RGS3: variants seen among roughly 807,000 people sequenced by gnomAD.
RGS3 encodes the protein regulator of G protein signaling 3, also known as regulator of G-protein signalling 3.
Under a neutral mutation model 132.6 loss-of-function variants are expected in RGS3, and 80 were observed. The ratio of observed to expected loss-of-function variants is 0.60; its 90% CI spans 0.50 to 0.73. RGS3 has a LOEUF of 0.73. Ranked by LOEUF, RGS3 falls within the 30% of genes least tolerant of loss-of-function variation. The probability of loss-of-function intolerance (pLI) is 0.00; values close to 1 mark genes in which losing one functional copy is unlikely to be tolerated. For synonymous variants in RGS3, 598 were observed against 620.6 expected (o/e 0.96, Z 0.54); for missense variants, 1,382 against 1,530.8 (o/e 0.90, Z 1.62).
chr9:113,536,579 G>T lies in RGS3; in HGVS notation c.1915-217G>T. ...CCTTCCTCCCCTCCCCCAACCTGTGGGCCCACAGCTCGCCAGCTGGCCCTT... is the reference window on the plus strand; with the variant it reads ...CCTTCCTCCCCTCCCCCAACCTGTGTGCCCACAGCTCGCCAGCTGGCCCTT... On this transcript the variant is annotated intron_variant, in intron 18 of 24. Transcript: ENST00000350696. 5 of 1,369,200 alleles carry T rather than the reference G, an allele frequency of 3.7e-6. No homozygotes were observed. The South Asian group carries it at 5.9e-5, about 16-fold the overall frequency. 84.8% of individuals were successfully genotyped at this position (1,369,200 alleles called of 1,614,324 possible). A position where few individuals can be genotyped will look rare whatever the true frequency, so the allele number is the denominator to read the frequency against.
chr9:113,591,213 G>A lies in RGS3; in HGVS notation c.3016-120G>A. On this transcript the variant is annotated intron_variant, in intron 20 of 24. Coordinates refer to ENST00000350696, the Ensembl canonical transcript of RGS3. This position sits in a 1 kb window ranked among gnomAD's most constrained non-coding sequence, Gnocchi z 4.4. ...TCCCTCCCTCACCTGTGTGCCGCGG[G>A]TGGGGGCTTTGGGGATGGAAGGGGC... 1 of 840,976 alleles carries A rather than the reference G, an allele frequency of 1.2e-6. No individual in the cohort carries two copies. The highest frequency in any genetic ancestry group is 1.5e-5 in the South Asian group (1 of 64,602). The allele number at this position is 840,976 out of a possible 1,614,324, so 52.1% of individuals were successfully genotyped here.
chr9:113,583,655 C>T (rs1332166140), exon 20 of RGS3: 4 of 1,614,130 alleles, frequency 2.5e-6, no homozygotes, highest in East Asian at 2.2e-5. Context: ...GACTCAGCTA[C>T]CTCTGAAGGA....
rs145400431 is a variant in RGS3, at chr9:113,469,042, ATTTTTTTTTTT to A, written c.415+6853_415+6863del. On this transcript the variant is annotated intron_variant, in intron 3 of 24. Coordinates refer to ENST00000350696, the Ensembl canonical transcript of RGS3. ...TAGGAGTGTCATTGATTTGCTCAGC[ATTTTTTTTTTT>A]TTTTTTTTTTTGCCTCATGTTTGTT... Among the ~76,000 whole-genome samples the A allele has an allele frequency of 4.5e-4, 46 of 102,130 alleles. No individual in the cohort carries two copies. In the South Asian group the frequency reaches 0.014, roughly 30 times the overall value. The allele number at this position is 102,130 out of a possible 152,430, so 67.0% of individuals were successfully genotyped here.
intron 19 of RGS3, among the ~76,000 whole-genome samples, chr9:113,552,059 T>C (rs1833361185): frequency 6.6e-6 from 1 of 152,166 alleles, no homozygotes; most frequent in South Asian, 2.1e-4. Flanking sequence ...TCTTGAAAAA[T>C]ATTATTGCCT....
At chr9:113,473,019 C>T (rs922639149) in intron 3 of RGS3, among the ~76,000 whole-genome samples, 7 of 151,894 alleles carry the variant, frequency 4.6e-5, no homozygotes, top group Non-Finnish European at 1.0e-4. Flanking sequence ...CCAGCCTGGG[C>T]GACAGAGTGA....
At chr9:113,495,746 A>AG in intron 7 of RGS3, 40 bp from the exon 6 acceptor site, 2 of 1,587,144 alleles carry the variant, frequency 1.3e-6, no homozygotes, top group Non-Finnish European at 1.7e-6. Flanking sequence ...GATAGAGCCC[A>AG]GAAAAAAAAT....
intron 1 of RGS3, among the ~76,000 whole-genome samples, chr9:113,453,231 AT>A (rs1829297812): frequency 2.0e-5 from 2 of 100,090 alleles, no homozygotes; most frequent in Admixed American, 1.3e-4. Flanking sequence ...TAATATACTC[AT>A]TATATGATTA....
chr9:113,450,488 G>A (rs2119140431), intron 1 of RGS3, among the ~76,000 whole-genome samples: 1 of 152,310 alleles, frequency 6.6e-6, no homozygotes, highest in South Asian at 2.1e-4. Flanking sequence ...GAAAGATATG[G>A]AAGCAGACAG....
At chr9:113,468,861 A>C (rs1829732920) in intron 3 of RGS3, among the ~76,000 whole-genome samples, 1 of 152,078 alleles carries the variant, frequency 6.6e-6, no homozygotes, top group South Asian at 2.1e-4. Context: ...ATTGGGTGAC[A>C]AAATGCACCT....
At position 113,537,182 on chromosome 9, in the gene RGS3, G is replaced by T. The variant is rs554043433; in HGVS notation, c.2037+264G>T. Among the ~76,000 whole-genome samples the T allele has an allele frequency of 6.6e-6, 1 of 152,208 alleles. No individual in the cohort carries two copies. The highest frequency in any genetic ancestry group is 2.1e-4 in the South Asian group (1 of 4,836). On this transcript the variant is annotated intron_variant, in intron 19 of 24. Transcript: ENST00000350696. The surrounding 1 kb of genome is among the most constrained non-coding windows in gnomAD (Gnocchi z 4.3). The stretch of plus-strand genomic sequence containing the variant: ...CCATCAGTTCTGCACTCTGTTCTTC[G>T]GTTTGCCTATGGCAAGGTTTAATTC...
chr9:113,534,129 T>G (rs957418392), intron 18 of RGS3, among the ~76,000 whole-genome samples: 8 of 152,192 alleles, frequency 5.3e-5, no homozygotes, highest in Non-Finnish European at 1.0e-4. Flanking sequence ...GGATGCAGGG[T>G]AGAAGAAGTC....
intron 21 of RGS3, chr9:113,593,978 C>G (rs748442677): frequency 1.2e-6 from 2 of 1,613,078 alleles, no homozygotes; most frequent in Non-Finnish European, 1.7e-6. Context: ...GGGGCGGCCC[C>G]AGAGGCTGTC....
rs1454410786 is a variant in RGS3 at position 113,512,678 on chromosome 9, G to A, written c.1478-1780G>A. ...CTGTTCCCCCCTCGCTGCCAGGGCT[G>A]CTGGCAGCAGAAGACAGCCTGCACC... On this transcript the variant is annotated intron_variant, in intron 14 of 24. Transcript: ENST00000350696. Among the ~76,000 whole-genome samples, 8 of 152,278 alleles carry A rather than the reference G, an allele frequency of 5.3e-5. No homozygotes were observed. In the East Asian group the frequency reaches 1.4e-3, roughly 26 times the overall value.
chr9:113,511,731 G>A (rs1831414487), intron 14 of RGS3, among the ~76,000 whole-genome samples: 1 of 152,074 alleles, frequency 6.6e-6, no homozygotes, highest in African/African-American at 2.4e-5. Context: ...TCCGAGACTG[G>A]GGGCCCAGGA....
Position 113,479,537 on chromosome 9 carries a change from TCA to T in RGS3, c.465_466del (p.Ile156TyrfsTer4), listed in dbSNP as rs1258803516. On this transcript the variant is annotated frameshift_variant and splice_region_variant, in exon 4 of 25. Transcript: ENST00000350696. LOFTEE classifies it high-confidence loss of function. ...ATGCCCAGGACCGGGTTCTGCTGCT[TCA>T]CAGTGAGTACGGCTTTGTGCAGGCT... 6.2e-7 allele frequency: 1 copy of T among 1,614,126 alleles called. No individual in the cohort carries two copies. The highest frequency in any genetic ancestry group is 8.5e-7 in the Non-Finnish European group (1 of 1,179,988).
chr9:113,566,757 G>T (rs1834029743), intron 19 of RGS3, among the ~76,000 whole-genome samples: 1 of 152,234 alleles, frequency 6.6e-6, no homozygotes, highest in African/African-American at 2.4e-5. Context: ...CTTCTGGCTG[G>T]GTGGCTATCT....
At chr9:113,449,345 T>A (rs1829188421) in intron 1 of RGS3, among the ~76,000 whole-genome samples, 1 of 152,160 alleles carries the variant, frequency 6.6e-6, no homozygotes, top group Non-Finnish European at 1.5e-5. Flanking sequence ...GGTGCTTTAT[T>A]ATCGGAAATG....
In RGS3 at chr9:113,463,780, T is replaced by A; in HGVS notation, c.415+1579T>A. ...AGCCGCCTCGGGTTGCAGACGCTCC[T>A]GTCCGGGTCGCAGTGGGACGCCATG... On this transcript the variant is annotated intron_variant, in intron 3 of 24. Transcript: ENST00000350696. This position sits in a 1 kb window ranked among gnomAD's most constrained non-coding sequence, Gnocchi z 4.6. The A allele has an allele frequency of 1.9e-6, 3 of 1,600,096 alleles. No individual in the cohort carries two copies. Among genetic ancestry groups the A allele is most frequent in the South Asian group, 2.2e-5 (2 of 89,078 alleles).
Position 113,595,595 on chromosome 9 carries a change from A to T in RGS3, c.3245-4A>T, listed in dbSNP as rs372187894. 2.0e-5 allele frequency: 33 copies of T among 1,613,626 alleles called. No individual in the cohort carries two copies. In the African/African-American group the frequency reaches 4.1e-4, roughly 20 times the overall value. ...TCTTACCCCAGGATCCGTTCTCCTC[A>T]CAGACGGGTTAGCAGTGTTCCAAGC... is the stretch of plus-strand genomic sequence containing the variant. On this transcript the variant is annotated splice_region_variant and splice_polypyrimidine_tract_variant and intron_variant, in intron 23 of 24. Coordinates refer to ENST00000350696, the Ensembl canonical transcript of RGS3.
Sources: gnomAD v4.1 joint callset for allele counts (sites outside exome capture counted in the v4.1 genomes callset) on GRCh38, gnomAD v4.1.1 for gene constraint, Gnocchi (gnomAD v3.1) non-coding constraint, MANE v1.5 for transcripts, NCBI Gene and HGNC (gene_info 2026-07-23, HGNC 2026-07-21) for gene names.